SCN11A: variants seen among roughly 807,000 people sequenced by gnomAD.
SCN11A encodes the protein sodium voltage-gated channel alpha subunit 11, also known as sodium channel protein type 11 subunit alpha.
In SCN11A, 122 loss-of-function variants were observed where a neutral mutation model predicts 162.2. The ratio of observed to expected loss-of-function variants is 0.75; its 90% CI spans 0.65 to 0.87. The LOEUF (loss-of-function observed/expected upper bound fraction) is 0.87. SCN11A is among the 40% of genes least tolerant of loss of function. The pLI, the probability that SCN11A is intolerant of heterozygous loss-of-function variation, is 0.00. For synonymous variants in SCN11A, 758 were observed against 751.5 expected (o/e 1.01, Z -0.14); for missense variants, 2,015 against 2,181.6 (o/e 0.92, Z 1.52).
At chr3:38,931,067 C>G (rs7636039) in intron 7 of SCN11A, among the ~76,000 whole-genome samples, 2,427 of 152,338 alleles carry the variant, frequency 0.016, 67 homozygotes, top group African/African-American at 0.056. Flanking sequence ...CTGCCCTCCT[C>G]ATCAAAGGCT....
At chr3:38,969,953 CCT>C (rs10598813) in intron 2 of SCN11A, among the ~76,000 whole-genome samples, 9,448 of 150,928 alleles carry the variant, frequency 0.063, 326 homozygotes, top group Middle Eastern at 0.094. Context: ...CTTGCCTGCC[CCT>C]GTGGCCATCT....
intron 7 of SCN11A, among the ~76,000 whole-genome samples, chr3:38,944,177 G>A (rs896528091): frequency 2.6e-5 from 4 of 152,116 alleles, no homozygotes; most frequent in Admixed American, 6.5e-5. Flanking sequence ...CCATAAATTA[G>A]AGAAGAAAAA....
At chr3:39,008,176 T>C (rs2031027832) in intron 2 of SCN11A, among the ~76,000 whole-genome samples, 1 of 152,236 alleles carries the variant, frequency 6.6e-6, no homozygotes, top group Admixed American at 6.5e-5. Flanking sequence ...GGCTTTTGAC[T>C]TCTCAATAGC....
chr3:38,897,256 A>T (rs1164312725), intron 17 of SCN11A, 31 bp from the exon 18 acceptor site: 3 of 1,559,394 alleles, frequency 1.9e-6, no homozygotes, highest in Non-Finnish European at 2.6e-6. Flanking sequence ...CAAAAATGGA[A>T]GAAAAGCCAG....
At chr3:39,035,497 A>C (rs2125613505) in intron 1 of SCN11A, among the ~76,000 whole-genome samples, 1 of 152,282 alleles carries the variant, frequency 6.6e-6, no homozygotes, top group East Asian at 1.9e-4. Context: ...GAAACAACTA[A>C]AGGAAAACAT....
intron 2 of SCN11A, among the ~76,000 whole-genome samples, chr3:39,031,053 C>T (rs1235749604): frequency 6.6e-6 from 1 of 152,044 alleles, no homozygotes; most frequent in Non-Finnish European, 1.5e-5. Context: ...GGAAAATGGA[C>T]TGGTTTATGT....
At chr3:38,943,357 G>A (rs892500646) in intron 7 of SCN11A, among the ~76,000 whole-genome samples, 20 of 152,136 alleles carry the variant, frequency 1.3e-4, no homozygotes, top group Non-Finnish European at 2.1e-4. Context: ...GGCATGAGAC[G>A]TTTTGGGGGG....
chr3:38,853,212 T>C (rs749045892), intron 28 of SCN11A, among the ~76,000 whole-genome samples: 1 of 152,216 alleles, frequency 6.6e-6, no homozygotes, highest in Non-Finnish European at 1.5e-5. Flanking sequence ...GAACATATTG[T>C]GTCTTGTGAC....
intron 26 of SCN11A, among the ~76,000 whole-genome samples, chr3:38,868,853 T>C (rs183357213): frequency 6.6e-6 from 1 of 152,200 alleles, no homozygotes; most frequent in Admixed American, 6.5e-5. Flanking sequence ...AGTAACATAA[T>C]TGAACAGAGA....
At position 38,899,950 on chromosome 3, in the gene SCN11A, C is replaced by A; in HGVS notation, c.1966G>T (p.Val656Leu). ...CTCTTTTGAAGTACACAGTTCATTA[C>A]ATCTGCAAAACTCAGAAGAGCAACA... ...SIVALLSFAD[V>L]MNCVLQKRSW... is the part of the protein sequence containing the mutation. The change falls in exon 17 of 30, where the codon GTA (valine) becomes TTA (leucine). Residue 656 changes from valine to leucine, a missense_variant. Transcript: ENST00000302328. 1 of 1,614,114 alleles carries A rather than the reference C, an allele frequency of 6.2e-7. No individual in the cohort carries two copies.
chr3:38,913,572 T>C (rs2065915729), intron 11 of SCN11A, among the ~76,000 whole-genome samples: 2 of 152,178 alleles, frequency 1.3e-5, no homozygotes, highest in Admixed American at 6.5e-5. Context: ...TATTTGCCCA[T>C]TTCTATGTCC....
chr3:38,848,948 G>C (rs1252771765), intron 29 of SCN11A, among the ~76,000 whole-genome samples: 1 of 152,144 alleles, frequency 6.6e-6, no homozygotes, highest in African/African-American at 2.4e-5. Context: ...TATTGGCAAA[G>C]GCATATAAAA....
rs138439635 is a variant in SCN11A, at chr3:38,894,819, A to G, written c.2549T>C (p.Leu850Pro). 195 of 1,614,214 alleles carry G rather than the reference A, an allele frequency of 1.2e-4. No individual in the cohort carries two copies. In the African/African-American group the frequency reaches 2.4e-3, roughly 20 times the overall value. The part of the protein sequence containing the change: ...RRAFCFVRHT[L>P]EHFCHKWCRK... ...GCACCACTTGTGACAGAAATGCTCA[A>G]GAGTGTGTCTCACAAAACAAAAAGC... Residue 850 changes from leucine to proline, a missense_variant, in exon 19 of 30, where the codon CTT (leucine) becomes CCT (proline). By Grantham distance (98) the Leu-to-Pro change is moderately conservative. Transcript: ENST00000302328.
Position 38,886,363 on chromosome 3 carries a change from T to G in SCN11A, c.2836-125A>C, listed in dbSNP as rs13099628. 117,986 of 518,202 alleles carry G rather than the reference T, an allele frequency of 0.23. 14,230 individuals are homozygous for G. Among genetic ancestry groups the G allele is most frequent in the Admixed American group, 0.26 (7,844 of 30,410 alleles). 32.1% of individuals were successfully genotyped at this position (518,202 alleles called of 1,614,324 possible). ...AATAAGCCTTTGACATTATTACTCT[T>G]TTTTCTCTTTAGAAACTGCTCCTGG... On this transcript the variant is annotated intron_variant, in intron 19 of 29. Coordinates refer to ENST00000302328, the MANE Select transcript of SCN11A (RefSeq NM_001349253.2).
chr3:38,989,071 A>G (rs1226500383), intron 2 of SCN11A, among the ~76,000 whole-genome samples: 17 of 152,144 alleles, frequency 1.1e-4, no homozygotes, highest in Admixed American at 8.5e-4. Flanking sequence ...AGGGTCAACA[A>G]AAGTCTGCCT....
At chr3:39,036,495 G>A (rs73064283) in intron 1 of SCN11A, among the ~76,000 whole-genome samples, 4,820 of 152,236 alleles carry the variant, frequency 0.032, 125 homozygotes, top group Non-Finnish European at 0.049. Flanking sequence ...CAAAGAAAAT[G>A]GATAAGTGGG....
Position 38,945,440 on chromosome 3 carries a change from GT to G in SCN11A, c.458del (p.Asn153ThrfsTer23). ...CAATGTCAGTATTGTTACTGTTGCT[GT>G]TTTTAGCAGGCCCTGTAGCCATGAA... ...CVFMATGPAK[N>X]SNSNNTDIAE... On this transcript the variant is annotated frameshift_variant, in exon 7 of 30. Coordinates refer to ENST00000302328, the MANE Select transcript of SCN11A (RefSeq NM_001349253.2). LOFTEE classifies it high-confidence loss of function. The G allele has an allele frequency of 6.2e-7, 1 of 1,610,576 alleles. No homozygotes were observed. Among genetic ancestry groups the G allele is most frequent in the Non-Finnish European group, 8.5e-7 (1 of 1,177,304 alleles).
intron 2 of SCN11A, among the ~76,000 whole-genome samples, chr3:38,977,718 A>C (rs1218542524): frequency 6.6e-6 from 1 of 152,126 alleles, no homozygotes; most frequent in Non-Finnish European, 1.5e-5. Flanking sequence ...CATGCCTTGG[A>C]GCTTCCCCTT....
At chr3:38,962,210 T>G (rs2066745911) in intron 2 of SCN11A, among the ~76,000 whole-genome samples, 1 of 152,254 alleles carries the variant, frequency 6.6e-6, no homozygotes, top group Non-Finnish European at 1.5e-5. Flanking sequence ...CTCTCTATTC[T>G]GTTCCATAGG....
Sources: allele counts gnomAD v4.1 joint callset (sites outside exome capture counted in the v4.1 genomes callset), GRCh38; gene constraint gnomAD v4.1.1; transcripts MANE v1.5; gene names NCBI Gene and HGNC (gene_info 2026-07-23, HGNC 2026-07-21).